The following SHC2 variants were observed in gnomAD, a reference collection of about 807,000 sequenced individuals.
SHC2 encodes SHC-transforming protein 2.
SHC2 carries 62 observed loss-of-function variants against 60.6 expected under a neutral mutation model. The observed-to-expected ratio is 1.02, with a 90% CI of 0.83 to 1.26. The LOEUF is 1.26. Among genes scored for constraint, SHC2 ranks in the 50% most tolerant of loss-of-function variants. The pLI, the probability that SHC2 is intolerant of heterozygous loss-of-function variation, is 0.00. For missense variants in SHC2, 873 were observed against 822.2 expected, an observed-to-expected ratio of 1.06 and a Z score of -0.76; for synonymous variants, 375 against 372.4, an observed-to-expected ratio of 1.01 and a Z score of -0.08.
At chr19:435,777 T>TA (rs1600294141) in intron 7 of SHC2, 2 of 198,436 alleles carry the variant, frequency 1.0e-5, no homozygotes, top group Non-Finnish European at 1.0e-5. Context: ...TCAATGTCTA[T>TA]AAAAAACGTG....
chr19:439,016 C>T lies in SHC2; in HGVS notation c.554G>A (p.Arg185Gln), dbSNP rs781327792. ...GACGCCAGGCACGGCCTCATGGAGC[C>T]GGTTGATGGCTTCCCTGGGGTTGGG... The part of the protein sequence containing the change: ...RTQVTREAIN[R>Q]LHEAVPGVRG... Residue 185 changes from arginine (R) to glutamine (Q), a missense_variant, in exon 3 of 13, where the codon CGG (arginine) becomes CAG (glutamine). Transcript: ENST00000264554. The T allele has an allele frequency of 2.2e-5, 34 of 1,522,396 alleles. No homozygotes were observed. The highest frequency in any genetic ancestry group is 4.6e-5 in the South Asian group (4 of 86,660). The allele number at this position is 1,522,396 out of a possible 1,614,324, so 94.3% of individuals were successfully genotyped here. A position where few individuals can be genotyped will look rare whatever the true frequency, so the allele number is the denominator to read the frequency against.
At position 460,966 on chromosome 19, in the gene SHC2, G is replaced by A; in HGVS notation, c.31C>T (p.Pro11Ser). The change falls in exon 1 of 13, where the codon CCG (proline) becomes TCG (serine). Residue 11 changes from proline (P) to serine (S), a missense_variant. Transcript: ENST00000264554. The part of the protein sequence containing the change: MTQGPGGRAP[P>S]APPAPPEPEA... Reference sequence around the variant, plus strand: ...GGCTCGGGGGGCGCGGGGGGCGCCGGGGGCGCGCGCCCGCCCGGACCCTGC... The same window carrying A: ...GGCTCGGGGGGCGCGGGGGGCGCCGAGGGCGCGCGCCCGCCCGGACCCTGC... The A allele has an allele frequency of 1.0e-6, 1 of 983,320 alleles. No individual in the cohort carries two copies. Among genetic ancestry groups the A allele is most frequent in the South Asian group, 4.5e-5 (1 of 22,018 alleles). 60.9% of individuals were successfully genotyped at this position (983,320 alleles called of 1,614,324 possible).
chr19:419,197 C>G lies in SHC2; in HGVS notation c.1621-141G>C, dbSNP rs1974217054. 3.0e-5 allele frequency: 29 copies of G among 967,944 alleles called. 1 individual carries two copies. In the South Asian group the frequency reaches 5.7e-4, roughly 19 times the overall value. The allele number at this position is 967,944 out of a possible 1,614,324, so 60.0% of individuals were successfully genotyped here. A position where few individuals can be genotyped will look rare whatever the true frequency, so the allele number is the denominator to read the frequency against. On this transcript the variant is annotated intron_variant, in intron 11 of 12. Coordinates refer to ENST00000264554, the MANE Select transcript of SHC2 (RefSeq NM_012435.3). ...GGCCGGACCAGGGAATTCCGGGACA[C>G]CAGCCAAAGGATCGGCCTCAGAATT...
rs1974844595 is a variant in SHC2 at position 440,799 on chromosome 19, A to G, written c.539+63T>C. On this transcript the variant is annotated intron_variant, in intron 2 of 12. Transcript: ENST00000264554. This position sits in a 1 kb window ranked among gnomAD's most constrained non-coding sequence, Gnocchi z 7.0. ...GGAGAGCCCATCGCTGCCGCCCTCC[A>G]GTGCTGCCGCCCTCCAGTGCGTCAC... 3 of 1,427,388 alleles carry G rather than the reference A, an allele frequency of 2.1e-6. No individual in the cohort carries two copies. The highest frequency in any genetic ancestry group is 1.8e-4 in the Middle Eastern group (1 of 5,530). The allele number at this position is 1,427,388 out of a possible 1,614,324, so 88.4% of individuals were successfully genotyped here.
At chr19:427,614 T>C (rs1974452857) in intron 9 of SHC2, among the ~76,000 whole-genome samples, 1 of 75,532 alleles carries the variant, frequency 1.3e-5, no homozygotes, top group Non-Finnish European at 2.4e-5. Flanking sequence ...GAAGGGGAAT[T>C]GCGCACGGCA....
intron 1 of SHC2, among the ~76,000 whole-genome samples, chr19:454,458 G>A (rs1284254072): frequency 6.6e-6 from 1 of 152,166 alleles, no homozygotes; most frequent in African/African-American, 2.4e-5. Context: ...GTCTCCCGTG[G>A]CTGCCCTAAC....
chr19:443,748 G>A (rs184045977), intron 1 of SHC2, among the ~76,000 whole-genome samples: 4 of 147,764 alleles, frequency 2.7e-5, no homozygotes, highest in Non-Finnish European at 4.5e-5. Flanking sequence ...ATGGATGGAC[G>A]GATGGTTGGA....
In SHC2 at chr19:453,808, C is replaced by T. The variant is rs770784093; in HGVS notation, c.468+6721G>A. Among the ~76,000 whole-genome samples, 1 of 152,148 alleles carries T rather than the reference C, an allele frequency of 6.6e-6. No homozygotes were observed. Among genetic ancestry groups the T allele is most frequent in the Non-Finnish European group, 1.5e-5 (1 of 68,028 alleles). ...CATCCCCCACCGGGCCTGGGCTCCA[C>T]GCACCTGGAGCAGAGCCAGACACGC... On this transcript the variant is annotated intron_variant, in intron 1 of 12. Transcript: ENST00000264554. This position sits in a 1 kb window ranked among gnomAD's most constrained non-coding sequence, Gnocchi z 6.3.
At chr19:431,517 C>A (rs376871461) in intron 8 of SHC2, among the ~76,000 whole-genome samples, 1 of 31,958 alleles carries the variant, frequency 3.1e-5, no homozygotes, top group Non-Finnish European at 4.7e-5. Context: ...TGAGTGAGAT[C>A]GTGAGTGAGA....
chr19:423,691 G>C (rs1319761478), intron 10 of SHC2, among the ~76,000 whole-genome samples: 1 of 152,064 alleles, frequency 6.6e-6, no homozygotes, highest in African/African-American at 2.4e-5. Flanking sequence ...CCCTGACCCT[G>C]GGGGCTGAGC....
At chr19:450,668 C>T (rs1041093554) in intron 1 of SHC2, among the ~76,000 whole-genome samples, 9 of 152,180 alleles carry the variant, frequency 5.9e-5, no homozygotes, top group African/African-American at 4.8e-5. Flanking sequence ...GTCAGAGCCT[C>T]GTTCCTTTTC....
intron 11 of SHC2, among the ~76,000 whole-genome samples, chr19:421,297 A>G (rs116937233): frequency 0.012 from 1,844 of 148,588 alleles, 26 homozygotes; most frequent in East Asian, 0.059. Context: ...GTACTGGGGA[A>G]GCTGAGGCGG....
chr19:417,856 G>A (rs1974188146), intron 12 of SHC2, among the ~76,000 whole-genome samples: 1 of 152,098 alleles, frequency 6.6e-6, no homozygotes, highest in African/African-American at 2.4e-5. Flanking sequence ...ATAGGGGAGG[G>A]GCCGCCCAGG....
intron 1 of SHC2, among the ~76,000 whole-genome samples, chr19:456,112 T>C (rs972413622): frequency 3.3e-5 from 5 of 152,212 alleles, no homozygotes; most frequent in African/African-American, 1.2e-4. Flanking sequence ...TCGGCCTCTC[T>C]GTGCCTCAGT....
rs776369782 is a variant in SHC2 at position 438,860 on chromosome 19, C to T, written c.601-23G>A. 1.5e-5 allele frequency: 23 copies of T among 1,558,596 alleles called. No individual in the cohort carries two copies. The highest frequency in any genetic ancestry group is 1.7e-4 in the Middle Eastern group (1 of 5,968). On this transcript the variant is annotated intron_variant, in intron 3 of 12. Transcript: ENST00000264554. This position sits in a 1 kb window ranked among gnomAD's most constrained non-coding sequence, Gnocchi z 5.0. ...GGCCTGAGTTGGGGGCGGAGCACAG[C>T]GAGGGCGGCTGTGGGTGGGGGCTGT...
chr19:450,522 A>G (rs1056251950), intron 1 of SHC2, among the ~76,000 whole-genome samples: 9 of 151,920 alleles, frequency 5.9e-5, no homozygotes, highest in Non-Finnish European at 1.3e-4. Flanking sequence ...CCCCAGCCCC[A>G]TCCTACTTTC....
rs1974210791 is a variant in SHC2, at chr19:418,946, C to G, written c.1731G>C (p.Val577=). The change falls in exon 12 of 13, where the codon GTG becomes GTC. Residue 577 remains valine (V), a synonymous_variant. Coordinates refer to ENST00000264554, the MANE Select transcript of SHC2 (RefSeq NM_012435.3). Reference sequence around the variant, plus strand: ...ACCTGGCTCAGGGCTCCCGTGAGACCACGCCACGCAGGTGCAGCTCACTCT... The same window carrying G: ...ACCTGGCTCAGGGCTCCCGTGAGACGACGCCACGCAGGTGCAGCTCACTCT... The part of the protein sequence containing the change: ...AAESELHLRG[V]VSREP 1 of 1,588,424 alleles carries G rather than the reference C, an allele frequency of 6.3e-7. No homozygotes were observed. The highest frequency in any genetic ancestry group is 1.8e-5 in the Admixed American group (1 of 56,708).
Position 438,989 on chromosome 19 carries a change from C to G in SHC2, c.581G>C (p.Arg194Pro). 1.2e-6 allele frequency: 2 copies of G among 1,601,194 alleles called. No individual in the cohort carries two copies. The highest frequency in any genetic ancestry group is 1.7e-6 in the Non-Finnish European group (2 of 1,174,728). The part of the protein sequence containing the change: ...NRLHEAVPGV[R>P]GSWKKKAPNK... ...ACTCACCTTTTTCTTCCAGGATCCC[C>G]GGACGCCAGGCACGGCCTCATGGAG... The change falls in exon 3 of 13, where the codon CGG becomes CCG. Residue 194 changes from arginine (R) to proline (P), a missense_variant. Coordinates refer to ENST00000264554, the MANE Select transcript of SHC2 (RefSeq NM_012435.3). The surrounding 1 kb of genome is among the most constrained non-coding windows in gnomAD (Gnocchi z 5.0).
chr19:434,501 T>C (rs201940805), intron 8 of SHC2, among the ~76,000 whole-genome samples: 7,188 of 135,314 alleles, frequency 0.053, 289 homozygotes, highest in East Asian at 0.21. Flanking sequence ...AGTGAAATCA[T>C]GAGTGAGATC....
Sources: gnomAD v4.1 joint callset for allele counts (sites outside exome capture counted in the v4.1 genomes callset) on GRCh38, gnomAD v4.1.1 for gene constraint, Gnocchi (gnomAD v3.1) non-coding constraint, MANE v1.5 for transcripts, NCBI Gene and HGNC (gene_info 2026-07-23, HGNC 2026-07-21) for gene names.